Variants in IL3RA observed in about 807,000 individuals in gnomAD.
IL3RA encodes interleukin-3 receptor subunit alpha.
In IL3RA, 73 loss-of-function variants were observed where a neutral mutation model predicts 52.3. The observed-to-expected ratio is 1.40, with a 90% CI of 1.16 to 1.70. The LOEUF (loss-of-function observed/expected upper bound fraction) is 1.70. IL3RA is among the 40% of genes most tolerant of loss of function. The pLI is 0.00. For synonymous variants in IL3RA, 260 were observed against 194.0 expected (o/e 1.34, Z -2.83); for missense variants, 664 against 504.4 (o/e 1.32, Z -3.03).
chrX:1,378,502 G>A (rs1256397401), intron 9 of IL3RA, among the ~76,000 whole-genome samples, 157 bp from the exon 10 acceptor site: 1 of 149,494 alleles, frequency 6.7e-6, no homozygotes, highest in African/African-American at 2.6e-5. Flanking sequence ...AGGTGGTCAC[G>A]GTCTCTGTGC....
At chrX:1,352,061 G>C (rs376622489) in intron 4 of IL3RA, 39 bp from the exon 5 acceptor site, 2 of 1,608,094 alleles carry the variant, frequency 1.2e-6, no homozygotes, top group African/African-American at 2.7e-5. Flanking sequence ...CACCGCGCCC[G>C]GTCCCGATTC....
At chrX:1,370,136 C>A (rs1191096858) in intron 9 of IL3RA, among the ~76,000 whole-genome samples, 12 of 23,460 alleles carry the variant, frequency 5.1e-4, no homozygotes, top group Non-Finnish European at 7.1e-4. Context: ...CGTCTCCAAG[C>A]CCAGGAGAGG....
At chrX:1,359,387 C>G (rs1424198723) in intron 8 of IL3RA, among the ~76,000 whole-genome samples, 12 of 152,112 alleles carry the variant, frequency 7.9e-5, no homozygotes, top group Non-Finnish European at 1.5e-4. Context: ...AGCCGGACCA[C>G]AGCATTCTCT....
At position 1,378,669 on chromosome X, in the gene IL3RA, G is replaced by C; in HGVS notation, c.885G>C (p.Gln295His). ...WSTPQRFECD[Q>H]EEGANTRAWR... is the part of the protein sequence containing the mutation. ...ACCCTTTACCCCTAGAGTGCGACCA[G>C]GAGGAGGGCGCAAACACACGTGCCT... The change falls in exon 10 of 12, where the codon CAG becomes CAC. Residue 295 changes from glutamine to histidine, a missense_variant. By Grantham distance (24) the Gln-to-His change is conservative. Transcript: ENST00000331035. 6.2e-7 allele frequency: 1 copy of C among 1,612,416 alleles called. No individual in the cohort carries two copies. Among genetic ancestry groups the C allele is most frequent in the Non-Finnish European group, 8.5e-7 (1 of 1,179,698 alleles).
chrX:1,367,755 GGGGTGCGCC>G (rs1324298669), intron 9 of IL3RA, among the ~76,000 whole-genome samples: 2 of 131,238 alleles, frequency 1.5e-5, no homozygotes, highest in Non-Finnish European at 3.3e-5. Flanking sequence ...CGGGGTGAGC[GGGGTGCGCC>G]GGGTGAGCGG....
chrX:1,377,880 A>AAAAAAAG (rs1441995770), intron 9 of IL3RA, among the ~76,000 whole-genome samples: 1 of 138,190 alleles, frequency 7.2e-6, no homozygotes, highest in Non-Finnish European at 1.5e-5. Flanking sequence ...CTCAAAAAAA[A>AAAAAAAG]AAAAAAGAAA....
Position 1,352,443 on chromosome X carries a change from C to T in IL3RA, c.553C>T (p.Arg185Trp), listed in dbSNP as rs773005678. The T allele has an allele frequency of 6.2e-6, 10 of 1,613,754 alleles. No individual in the cohort carries two copies. The highest frequency in any genetic ancestry group is 1.7e-5 in the Admixed American group (1 of 59,992). Residue 185 changes from arginine (R) to tryptophan (W), a missense_variant, in exon 6 of 12, where the codon CGG becomes TGG. Coordinates refer to ENST00000331035, the MANE Select transcript of IL3RA (RefSeq NM_002183.4). Reference protein sequence around the residue: ...SGSQSSHILVRGRSAAFGIPC... With the variant: ...SGSQSSHILVWGRSAAFGIPC... The stretch of plus-strand genomic sequence containing the variant: ...TTCTCAAAGTTCCCACATCCTGGTG[C>T]GGGGCAGGAGCGCAGCCTTCGGTAT...
intron 4 of IL3RA, 141 bp downstream of exon 4, chrX:1,348,686 CTTTCT>C: frequency 2.1e-6 from 1 of 467,932 alleles, no homozygotes; most frequent in East Asian, 3.1e-5. Context: ...TTCTTTCTTT[CTTTCT>C]TTTTCTTTCT....
chrX:1,343,910 C>G (rs2085606947), intron 2 of IL3RA, among the ~76,000 whole-genome samples: 1 of 151,058 alleles, frequency 6.6e-6, no homozygotes, highest in Non-Finnish European at 1.5e-5. Flanking sequence ...ATTCTCCTGC[C>G]TCAGCTTCCT....
intron 6 of IL3RA, among the ~76,000 whole-genome samples, chrX:1,354,588 G>A (rs186312543): frequency 1.8e-5 from 2 of 111,762 alleles, no homozygotes; most frequent in African/African-American, 7.0e-5. Flanking sequence ...AGAAAACGGA[G>A]AAAGAGGAGG....
intron 8 of IL3RA, among the ~76,000 whole-genome samples, chrX:1,359,496 C>G (rs758149772): frequency 7.1e-6 from 1 of 140,900 alleles, no homozygotes; most frequent in Non-Finnish European, 1.5e-5. Context: ...TCTCTCGTCT[C>G]TATCTCCCTC....
At chrX:1,348,640 T>C (rs1398665821) in intron 4 of IL3RA, 95 bp downstream of exon 4, 7 of 721,806 alleles carry the variant, frequency 9.7e-6, no homozygotes, top group East Asian at 2.7e-5. Context: ...TTTCTTTTCT[T>C]TTTCTCTTTC....
chrX:1,355,448 ACC>A (rs2149018350), intron 6 of IL3RA, among the ~76,000 whole-genome samples: 1 of 65,662 alleles, frequency 1.5e-5, no homozygotes, highest in African/African-American at 6.0e-5. Context: ...GGGGAGAAAG[ACC>A]AGGAGGGTAG....
At chrX:1,380,309 T>G (rs1156771031) in intron 10 of IL3RA, among the ~76,000 whole-genome samples, 2 of 146,868 alleles carry the variant, frequency 1.4e-5, no homozygotes, top group African/African-American at 5.1e-5. Flanking sequence ...ATTACAGGCT[T>G]GAGCCACCAT....
At chrX:1,365,110 CTCT>C (rs776884955) in intron 8 of IL3RA, 25 bp from the exon 9 acceptor site, 36 of 1,557,132 alleles carry the variant, frequency 2.3e-5, no homozygotes, top group Middle Eastern at 1.7e-4. Flanking sequence ...TACCTGGCCC[CTCT>C]TCTTTATTTT....
At chrX:1,359,143 G>A (rs1165273486) in intron 8 of IL3RA, among the ~76,000 whole-genome samples, 5 of 151,972 alleles carry the variant, frequency 3.3e-5, no homozygotes, top group Non-Finnish European at 7.4e-5. Flanking sequence ...GAAGAGTCAG[G>A]GATGACACCT....
intron 3 of IL3RA, 61 bp downstream of exon 3, chrX:1,345,495 T>G (rs1814510665): frequency 1.7e-6 from 2 of 1,180,064 alleles, no homozygotes; most frequent in Non-Finnish European, 2.3e-6. Flanking sequence ...ATTTATGTAT[T>G]TATTTATTTT....
intron 3 of IL3RA, among the ~76,000 whole-genome samples, chrX:1,347,364 A>C (rs1187472982): frequency 6.6e-6 from 1 of 151,226 alleles, no homozygotes; most frequent in Non-Finnish European, 1.5e-5. Flanking sequence ...GAATGGCTTG[A>C]ACCTGGGAGG....
In IL3RA at chrX:1,379,445, C is replaced by T. The variant is rs374851603; in HGVS notation, c.980+681C>T. Among the ~76,000 whole-genome samples, 339 of 149,066 alleles carry T rather than the reference C, an allele frequency of 2.3e-3. 2 individuals are homozygous for T. The highest frequency in any genetic ancestry group is 7.2e-3 in the African/African-American group (279 of 38,596). On this transcript the variant is annotated intron_variant, in intron 10 of 11. Coordinates refer to ENST00000331035, the MANE Select transcript of IL3RA (RefSeq NM_002183.4). Reference sequence around the variant, plus strand: ...TGCTGGGATTACAGGCGTGAGCCACCGCACCTGGCCCCTTGAGAATTATTC... The same window carrying T: ...TGCTGGGATTACAGGCGTGAGCCACTGCACCTGGCCCCTTGAGAATTATTC...
Sources: allele counts gnomAD v4.1 joint callset (sites outside exome capture counted in the v4.1 genomes callset), GRCh38; gene constraint gnomAD v4.1.1; transcripts MANE v1.5; gene names NCBI Gene and HGNC (gene_info 2026-07-23, HGNC 2026-07-21).